The following GRAP variants were observed in gnomAD, a reference collection of about 807,000 sequenced individuals.
The protein encoded by GRAP is GRB2 related adaptor protein.
GRAP carries 2 observed loss-of-function variants against 9.1 expected under a neutral mutation model. The ratio of observed to expected loss-of-function variants is 0.22; its 90% CI spans 0.09 to 0.69. The LOEUF (loss-of-function observed/expected upper bound fraction) is 0.69, where lower values mean the gene tolerates loss of function less well. Among genes scored for constraint, GRAP ranks in the 30% least tolerant of loss-of-function variants. GRAP has a pLI of 0.81. For missense variants in GRAP, 113 were observed against 179.4 expected (o/e 0.63, Z 2.12); for synonymous variants, 68 against 73.6 (o/e 0.92, Z 0.39).
chr17:19,021,660 T>C lies in GRAP; in HGVS notation c.*299A>G. On this transcript the variant is annotated 3_prime_UTR_variant, in exon 5 of 5. Transcript: ENST00000284154. The surrounding 1 kb of genome is among the most constrained non-coding windows in gnomAD (Gnocchi z 4.1). Reference sequence around the variant, plus strand: ...TCAACCTTCCTGGCAGATGGGGCCATTGACAAGAGGAGGTGGGCGGGGCCT... The same window carrying C: ...TCAACCTTCCTGGCAGATGGGGCCACTGACAAGAGGAGGTGGGCGGGGCCT... 2.5e-6 allele frequency: 1 copy of C among 396,822 alleles called. No individual in the cohort carries two copies. Among genetic ancestry groups the C allele is most frequent in the Non-Finnish European group, 4.4e-6 (1 of 225,460 alleles). The allele number at this position is 396,822 out of a possible 1,614,324, so 24.6% of individuals were successfully genotyped here. A position where few individuals can be genotyped will look rare whatever the true frequency, so the allele number is the denominator to read the frequency against.
intron 4 of GRAP, among the ~76,000 whole-genome samples, chr17:19,023,350 G>A (rs1259797909): frequency 1.3e-5 from 2 of 152,108 alleles, no homozygotes; most frequent in Admixed American, 1.3e-4. Context: ...ACAAGATTTG[G>A]CTGGAGCTTC....
chr17:19,023,690 T>C (rs1313717185), intron 4 of GRAP, among the ~76,000 whole-genome samples: 1 of 119,104 alleles, frequency 8.4e-6, no homozygotes, highest in Non-Finnish European at 1.6e-5. Context: ...CCAGCACTCA[T>C]GCTGCCCCAC....
chr17:19,025,262 G>A (rs1259920222), intron 3 of GRAP, among the ~76,000 whole-genome samples: 1 of 149,666 alleles, frequency 6.7e-6, no homozygotes, highest in Non-Finnish European at 1.5e-5. Flanking sequence ...CGCTATCTCG[G>A]CTCACTGCAA....
chr17:19,027,477 C>CGT (rs1304662100), intron 3 of GRAP, among the ~76,000 whole-genome samples: 3 of 88,856 alleles, frequency 3.4e-5, no homozygotes, highest in East Asian at 2.7e-4. Context: ...CATGCGCGCG[C>CGT]GCGCGCGCAC....
At chr17:19,043,974 A>G (rs2044374245) in intron 1 of GRAP, among the ~76,000 whole-genome samples, 1 of 107,756 alleles carries the variant, frequency 9.3e-6, no homozygotes, top group Non-Finnish European at 2.1e-5. Flanking sequence ...TTTCTTTTTG[A>G]GATGGAGTCT....
At chr17:19,025,057 G>A (rs775200597) in intron 3 of GRAP, among the ~76,000 whole-genome samples, 3 of 152,090 alleles carry the variant, frequency 2.0e-5, no homozygotes, top group Non-Finnish European at 2.9e-5. Context: ...TATCCTCTCC[G>A]ATGAAGCAAG....
At chr17:19,027,485 C>T (rs1272751200) in intron 3 of GRAP, among the ~76,000 whole-genome samples, 86 of 69,320 alleles carry the variant, frequency 1.2e-3, no homozygotes, top group African/African-American at 9.6e-3. Context: ...CGCGCGCGCG[C>T]ACACACACAC....
Position 19,024,099 on chromosome 17 carries a change from G to T in GRAP, c.468+116C>A. The stretch of plus-strand genomic sequence containing the variant: ...GGGCTGGACGCCTCTTGCAATACCA[G>T]GCTGCTGGGGAAGTGAGACCAGGCC... On this transcript the variant is annotated intron_variant, in intron 4 of 4. Transcript: ENST00000284154. This position sits in a 1 kb window ranked among gnomAD's most constrained non-coding sequence, Gnocchi z 4.2. 1.9e-6 allele frequency: 2 copies of T among 1,044,222 alleles called. No individual in the cohort carries two copies. The highest frequency in any genetic ancestry group is 1.6e-5 in the South Asian group (1 of 64,386). 64.7% of individuals were successfully genotyped at this position (1,044,222 alleles called of 1,614,324 possible). A position where few individuals can be genotyped will look rare whatever the true frequency, so the allele number is the denominator to read the frequency against.
Position 19,024,418 on chromosome 17 carries a change from G to C in GRAP, c.300-35C>G, listed in dbSNP as rs546369977. ...AGGACCCGGGGCCACCTCAGGTGGT[G>C]GCCGTCCCAGCCTGGCATGGTCCCA... On this transcript the variant is annotated intron_variant, in intron 3 of 4. Transcript: ENST00000284154. The surrounding 1 kb of genome is among the most constrained non-coding windows in gnomAD (Gnocchi z 4.2). The C allele has an allele frequency of 3.3e-5, 53 of 1,598,464 alleles. No homozygotes were observed. Among genetic ancestry groups the C allele is most frequent in the Non-Finnish European group, 4.3e-5 (50 of 1,172,026 alleles).
intron 3 of GRAP, among the ~76,000 whole-genome samples, chr17:19,025,706 A>G (rs1206334821): frequency 2.6e-5 from 3 of 114,272 alleles, no homozygotes; most frequent in African/African-American, 7.2e-5. Context: ...TCCGCCTCCC[A>G]GGTTCACGCC....
At position 19,024,436 on chromosome 17, in the gene GRAP, T is replaced by G; in HGVS notation, c.300-53A>C. The G allele has an allele frequency of 6.3e-7, 1 of 1,582,686 alleles. No homozygotes were observed. Among genetic ancestry groups the G allele is most frequent in the Non-Finnish European group, 8.6e-7 (1 of 1,163,128 alleles). On this transcript the variant is annotated intron_variant, in intron 3 of 4. Coordinates refer to ENST00000284154, the MANE Select transcript of GRAP (RefSeq NM_006613.4). This position sits in a 1 kb window ranked among gnomAD's most constrained non-coding sequence, Gnocchi z 4.2. Reference sequence around the variant, plus strand: ...AGGTGGTGGCCGTCCCAGCCTGGCATGGTCCCAGGGGCTCCCGTCTCACTA... The same window carrying G: ...AGGTGGTGGCCGTCCCAGCCTGGCAGGGTCCCAGGGGCTCCCGTCTCACTA...
intron 3 of GRAP, among the ~76,000 whole-genome samples, chr17:19,025,075 C>G (rs189900767): frequency 1.3e-5 from 2 of 152,222 alleles, no homozygotes; most frequent in Admixed American, 1.3e-4. Context: ...AAGCAGGCCC[C>G]TTTCTCTCAT....
rs1621499 is a variant in GRAP at position 19,020,875 on chromosome 17, G to A, written c.*1084C>T. On this transcript the variant is annotated 3_prime_UTR_variant, in exon 5 of 5. Transcript: ENST00000284154. ...CCAAGGGCTCCTCCCTCCACCCACC[G>A]GCTCCCAAATGCCAGAGGGAGCCTC... is the stretch of plus-strand genomic sequence containing the variant. 114,394 of 162,114 alleles carry A rather than the reference G, an allele frequency of 0.71. 42,984 individuals are homozygous for A. The highest frequency in any genetic ancestry group is 0.85 in the Non-Finnish European group (62,848 of 73,528). 10.0% of individuals were successfully genotyped at this position (162,114 alleles called of 1,614,324 possible). A position where few individuals can be genotyped will look rare whatever the true frequency, so the allele number is the denominator to read the frequency against.
chr17:19,022,037 G>A lies in GRAP; in HGVS notation c.576C>T (p.Asp192=), dbSNP rs1467733626. 2 of 1,599,396 alleles carry A rather than the reference G, an allele frequency of 1.3e-6. No homozygotes were observed. Among genetic ancestry groups the A allele is most frequent in the African/African-American group, 1.3e-5 (1 of 74,444 alleles). Residue 192 remains aspartate (D), a synonymous_variant, in exon 5 of 5, where the codon GAC becomes GAT. Transcript: ENST00000284154. ...AGGACCGGCCCCGCCACCAGTGGGG[G>A]TCTGGGCGCTCCAGGACCTCAATGA... ...GDIIEVLERP[D]PHWWRGRSCG... is the part of the protein sequence containing the mutation.
At chr17:19,051,101 T>G (rs1597932454), upstream of GRAP, among the ~76,000 whole-genome samples, 1 of 135,670 alleles carries the variant, frequency 7.4e-6, no homozygotes, top group Admixed American at 7.7e-5. Context: ...CCAGGCATGG[T>G]GGCTCACACC....
intron 3 of GRAP, among the ~76,000 whole-genome samples, chr17:19,025,635 C>A (rs149136744): frequency 1.4e-5 from 2 of 139,786 alleles, no homozygotes; most frequent in African/African-American, 5.5e-5. Context: ...TTTTTTGAGG[C>A]GTAGTCTCGC....
intron 4 of GRAP, among the ~76,000 whole-genome samples, chr17:19,023,830 A>G (rs941031299): frequency 1.3e-5 from 2 of 151,934 alleles, no homozygotes; most frequent in African/African-American, 4.8e-5. Flanking sequence ...AGGCTCCCAG[A>G]GTACAGAGAC....
chr17:19,025,773 C>T (rs1172986417), intron 3 of GRAP, among the ~76,000 whole-genome samples: 1 of 58,698 alleles, frequency 1.7e-5, no homozygotes, highest in Non-Finnish European at 2.9e-5. Flanking sequence ...CCACCGCGCC[C>T]GGCTAATTTT....
intron 3 of GRAP, among the ~76,000 whole-genome samples, chr17:19,027,484 G>GCGCACACACA (rs1555583245): frequency 8.2e-4 from 99 of 121,202 alleles, no homozygotes; most frequent in African/African-American, 2.4e-3. Flanking sequence ...GCGCGCGCGC[G>GCGCACACACA]CACACACACA....
Sources: gnomAD v4.1 joint callset for allele counts (sites outside exome capture counted in the v4.1 genomes callset) on GRCh38, gnomAD v4.1.1 for gene constraint, Gnocchi (gnomAD v3.1) non-coding constraint, MANE v1.5 for transcripts, NCBI Gene and HGNC (gene_info 2026-07-23, HGNC 2026-07-21) for gene names.